Variants in ASXL1 observed in about 807,000 individuals in gnomAD.
The protein encoded by ASXL1 is ASXL transcriptional regulator 1, also known as polycomb group protein ASXL1.
In ASXL1, 65 loss-of-function variants were observed where a neutral mutation model predicts 89.1. That is an observed-to-expected ratio of 0.73 (90% CI 0.60 to 0.90). ASXL1 has a LOEUF of 0.90. ASXL1 is among the 40% of genes least tolerant of loss of function. The pLI, the probability that ASXL1 is intolerant of heterozygous loss-of-function variation, is 0.00. For synonymous variants in ASXL1, 739 were observed against 746.9 expected (o/e 0.99, Z 0.17); for missense variants, 1,786 against 1,942.9 (o/e 0.92, Z 1.52).
chr20:32,399,206 G>T (rs78736577), intron 4 of ASXL1, among the ~76,000 whole-genome samples: 1 of 150,286 alleles, frequency 6.7e-6, no homozygotes, highest in Non-Finnish European at 1.5e-5. Flanking sequence ...AGCAAGACTC[G>T]TTTCAAAGAA....
At chr20:32,406,906 C>T (rs1481884205) in intron 4 of ASXL1, among the ~76,000 whole-genome samples, 3 of 152,186 alleles carry the variant, frequency 2.0e-5, no homozygotes, top group Non-Finnish European at 1.5e-5. Flanking sequence ...TCTTGTCTAC[C>T]TAGCCTCAGG....
At chr20:32,419,213 G>GT (rs1317461790) in intron 4 of ASXL1, among the ~76,000 whole-genome samples, 4 of 151,706 alleles carry the variant, frequency 2.6e-5, no homozygotes, top group African/African-American at 9.7e-5. Context: ...GTTTGTTTTT[G>GT]TTTTTTTGAG....
intron 1 of ASXL1, among the ~76,000 whole-genome samples, chr20:32,365,625 A>G (rs557154601): frequency 2.0e-5 from 3 of 152,340 alleles, no homozygotes; most frequent in South Asian, 2.1e-4. Flanking sequence ...GAAGAATAAC[A>G]TATCTAAAAC....
intron 4 of ASXL1, among the ~76,000 whole-genome samples, chr20:32,402,960 T>G (rs1199728953): frequency 3.9e-5 from 6 of 151,926 alleles, no homozygotes. Flanking sequence ...AATTTTATAG[T>G]TTTTTTTGGT....
chr20:32,403,413 T>C (rs1316591726), intron 4 of ASXL1, among the ~76,000 whole-genome samples: 4 of 152,152 alleles, frequency 2.6e-5, no homozygotes, highest in Non-Finnish European at 4.4e-5. Context: ...GGAAATTTTA[T>C]TTATTTATTA....
At chr20:32,416,393 C>G (rs1251362256) in intron 4 of ASXL1, among the ~76,000 whole-genome samples, 1 of 152,204 alleles carries the variant, frequency 6.6e-6, no homozygotes, top group East Asian at 1.9e-4. Context: ...AAACCCCAAT[C>G]CCTCTGTCCC....
At chr20:32,385,914 T>C (rs1376049502) in intron 4 of ASXL1, among the ~76,000 whole-genome samples, 2 of 152,216 alleles carry the variant, frequency 1.3e-5, no homozygotes, top group African/African-American at 4.8e-5. Flanking sequence ...TCCTTAAGCT[T>C]TTTCCAGTTT....
chr20:32,435,450 C>T lies in ASXL1; in HGVS notation c.2738C>T (p.Pro913Leu). Residue 913 changes from proline to leucine, a missense_variant, in exon 13 of 13, where the codon CCA becomes CTA. Coordinates refer to ENST00000375687, the MANE Select transcript of ASXL1 (RefSeq NM_015338.6). ...SNDEVVKQPK[P>L]ESREHIPSVE... Reference sequence around the variant, plus strand: ...GATGAGGTAGTGAAACAGCCCAAACCAGAATCCAGAGAACACATACCATCT... The same window carrying T: ...GATGAGGTAGTGAAACAGCCCAAACTAGAATCCAGAGAACACATACCATCT... 6.2e-7 allele frequency: 1 copy of T among 1,614,064 alleles called. No homozygotes were observed. Among genetic ancestry groups the T allele is most frequent in the South Asian group, 1.1e-5 (1 of 91,080 alleles).
chr20:32,387,979 C>T (rs1236760885), intron 4 of ASXL1, among the ~76,000 whole-genome samples: 1 of 152,106 alleles, frequency 6.6e-6, no homozygotes, highest in Non-Finnish European at 1.5e-5. Context: ...GAGTCTGTCC[C>T]TTTGCTCTTG....
chr20:32,374,449 A>C (rs2048345350), intron 4 of ASXL1, among the ~76,000 whole-genome samples: 1 of 152,088 alleles, frequency 6.6e-6, no homozygotes, highest in African/African-American at 2.4e-5. Flanking sequence ...GCACCACTGC[A>C]CCTAATTAAA....
At position 32,434,568 on chromosome 20, in the gene ASXL1, C is replaced by T. The variant is rs2145357756; in HGVS notation, c.1856C>T (p.Ala619Val). The part of the protein sequence containing the change: ...TGARTLADIK[A>V]RALQVRGARG... ...GCCAGGACCCTCGCAGACATTAAAGCCCGTGCTCTGCAGGTCCGAGGGGCG... is the reference window on the plus strand; with the variant it reads ...GCCAGGACCCTCGCAGACATTAAAGTCCGTGCTCTGCAGGTCCGAGGGGCG... Residue 619 changes from alanine to valine, a missense_variant, in exon 13 of 13, where the codon GCC becomes GTC. Transcript: ENST00000375687. 1 of 1,613,626 alleles carries T rather than the reference C, an allele frequency of 6.2e-7. No homozygotes were observed. Among genetic ancestry groups the T allele is most frequent in the Non-Finnish European group, 8.5e-7 (1 of 1,180,010 alleles).
intron 8 of ASXL1, chr20:32,430,706 A>T (rs1199229491): frequency 8.4e-6 from 2 of 239,136 alleles, no homozygotes; most frequent in African/African-American, 2.2e-5. Context: ...ACCTTTGCCC[A>T]TGTGAGAACT....
chr20:32,370,313 T>G (rs1033460348), intron 4 of ASXL1, among the ~76,000 whole-genome samples: 5 of 152,164 alleles, frequency 3.3e-5, no homozygotes, highest in Non-Finnish European at 7.4e-5. Flanking sequence ...AATCAATGTT[T>G]TTTTGTTTTG....
At chr20:32,430,986 G>C in intron 8 of ASXL1, 1 of 514,018 alleles carries the variant, frequency 1.9e-6, no homozygotes, top group Non-Finnish European at 3.6e-6. Flanking sequence ...GATTTCTCCA[G>C]TTGAGCTTTG....
rs35101542 is a variant in ASXL1 at position 32,401,544 on chromosome 20, G to GTGT, written c.253-26583_253-26582insGTT. ...TATATGTGTGTGTGTGTGTGTGTGTGTTTTTTCCCCCCCCCCCTTTTTTTT... is the reference window on the plus strand; with the variant it reads ...TATATGTGTGTGTGTGTGTGTGTGTGTGTTTTTTTCCCCCCCCCCCTTTTTTTT... On this transcript the variant is annotated intron_variant, in intron 4 of 12. Transcript: ENST00000375687. Among the ~76,000 whole-genome samples, 552 of 69,314 alleles carry GTGT rather than the reference G, an allele frequency of 8.0e-3. 7 individuals carry two copies. The South Asian group carries it at 0.11, about 14-fold the overall frequency. 45.5% of individuals were successfully genotyped at this position (69,314 alleles called of 152,430 possible). A position where few individuals can be genotyped will look rare whatever the true frequency, so the allele number is the denominator to read the frequency against.
At position 32,434,903 on chromosome 20, in the gene ASXL1, C is replaced by G; in HGVS notation, c.2191C>G (p.Leu731Val). Residue 731 changes from leucine (L) to valine (V), a missense_variant, in exon 13 of 13, where the codon CTA becomes GTA. Physicochemically the swap from Leu to Val is conservative, Grantham distance 32. This residue lies in a region of ASXL1 where 1,418 missense variants were observed against 1,427.8 expected (regional missense o/e 0.99). Transcript: ENST00000375687. ...TTCTCTGAGAAAGGAGGAAAGCTGC[C>G]TACTACAGAGGGCTACAGTTGGACT... The part of the protein sequence containing the change: ...LPSLRKEESC[L>V]LQRATVGLTD... 6.2e-7 allele frequency: 1 copy of G among 1,614,202 alleles called. No individual in the cohort carries two copies. The highest frequency in any genetic ancestry group is 1.6e-4 in the Middle Eastern group (1 of 6,062).
At chr20:32,412,716 C>T (rs1054936707) in intron 4 of ASXL1, among the ~76,000 whole-genome samples, 5 of 147,864 alleles carry the variant, frequency 3.4e-5, no homozygotes, top group Non-Finnish European at 7.4e-5. Context: ...TGCATCCTGG[C>T]TGGCTAATTT....
chr20:32,359,518 C>G lies in ASXL1; in HGVS notation c.57+686C>G. 4 of 646,188 alleles carry G rather than the reference C, an allele frequency of 6.2e-6. No individual in the cohort carries two copies. The South Asian group carries it at 7.0e-5, about 11-fold the overall frequency. The allele number at this position is 646,188 out of a possible 1,614,324, so 40.0% of individuals were successfully genotyped here. A position where few individuals can be genotyped will look rare whatever the true frequency, so the allele number is the denominator to read the frequency against. On this transcript the variant is annotated intron_variant, in intron 1 of 12. Transcript: ENST00000375687. Reference sequence around the variant, plus strand: ...GGGAATCTGCGCTTTCACCAGCTTCCCAGGTGATTCAAACGCAGTGGCTCA... The same window carrying G: ...GGGAATCTGCGCTTTCACCAGCTTCGCAGGTGATTCAAACGCAGTGGCTCA...
Position 32,433,773 on chromosome 20 carries a change from A to C in ASXL1, c.1575A>C (p.Lys525Asn), listed in dbSNP as rs2011618010. The change falls in exon 12 of 13, where the codon AAA becomes AAC. Residue 525 changes from lysine (K) to asparagine (N), a missense_variant. Lys to Asn is a moderately conservative substitution (Grantham distance 94, BLOSUM62 0). Transcript: ENST00000375687. ...VDQEPKDQKR[K>N]SFEQAASASF... ...AGGAACCCAAGGATCAGAAGAGGAA[A>C]TCCTTTGAGCAGGCGGCCTCTGCAT... 8 of 1,614,224 alleles carry C rather than the reference A, an allele frequency of 5.0e-6. No homozygotes were observed. Among genetic ancestry groups the C allele is most frequent in the Non-Finnish European group, 6.8e-6 (8 of 1,180,036 alleles).
Sources: allele counts gnomAD v4.1 joint callset (sites outside exome capture counted in the v4.1 genomes callset), GRCh38; gene constraint gnomAD v4.1.1; regional missense constraint gnomAD v4.1.1; transcripts MANE v1.5; gene names NCBI Gene and HGNC (gene_info 2026-07-23, HGNC 2026-07-21).